The following ANKRD33B variants were observed in gnomAD, a reference collection of about 807,000 sequenced individuals.
The protein encoded by ANKRD33B is ankyrin repeat domain-containing protein 33B.
ANKRD33B carries 6 observed loss-of-function variants against 21.5 expected under a neutral mutation model. That is an observed-to-expected ratio of 0.28 (90% confidence interval 0.15 to 0.55). ANKRD33B has a LOEUF of 0.55. ANKRD33B is among the 20% of genes least tolerant of loss of function. The probability of loss-of-function intolerance (pLI) is 0.94; values close to 1 mark genes in which losing one functional copy is unlikely to be tolerated. For synonymous variants in ANKRD33B, 347 were observed against 342.4 expected, an observed-to-expected ratio of 1.01 and a Z score of -0.15; for missense variants, 698 against 747.2, an observed-to-expected ratio of 0.93 and a Z score of 0.77.
intron 1 of ANKRD33B, among the ~76,000 whole-genome samples, chr5:10,604,015 C>G (rs1303551152): frequency 4.0e-5 from 6 of 151,710 alleles, no homozygotes; most frequent in Non-Finnish European, 7.4e-5. Context: ...CTGCCTCAGC[C>G]TCCCCAGTAG....
chr5:10,645,250 C>T (rs1483580753), intron 3 of ANKRD33B, among the ~76,000 whole-genome samples: 1 of 152,094 alleles, frequency 6.6e-6, no homozygotes, highest in Non-Finnish European at 1.5e-5. Flanking sequence ...TCTCCTGTGG[C>T]CAGGAAAGGC....
chr5:10,623,861 C>T (rs997475567), intron 2 of ANKRD33B, among the ~76,000 whole-genome samples: 6 of 152,316 alleles, frequency 3.9e-5, no homozygotes, highest in African/African-American at 1.4e-4. Context: ...GCTTCCTCCA[C>T]TTGGCCTGGC....
Position 10,618,412 on chromosome 5 carries a change from A to G in ANKRD33B, c.446A>G (p.Asn149Ser). The stretch of plus-strand genomic sequence containing the variant: ...GCAGAGTGCCCCCACGTTGACGTCA[A>G]CTGGCAGGACAGCGAGGGGAACACA... ...ALAECPHVDV[N>S]WQDSEGNTAL... The change falls in exon 2 of 4, where the codon AAC becomes AGC. Residue 149 changes from asparagine (N) to serine (S), a missense_variant. Physicochemically the swap from Asn to Ser is conservative, Grantham distance 46. Around this residue, in one of 3 missense-constraint regions of ANKRD33B, gnomAD observed 543 missense variants for 566.5 expected, o/e 0.96. Transcript: ENST00000296657. 6.5e-7 allele frequency: 1 copy of G among 1,537,646 alleles called. No homozygotes were observed. The highest frequency in any genetic ancestry group is 8.7e-7 in the Non-Finnish European group (1 of 1,146,960).
intron 2 of ANKRD33B, among the ~76,000 whole-genome samples, chr5:10,623,826 G>T (rs1172991282): frequency 6.6e-6 from 1 of 152,192 alleles, no homozygotes; most frequent in Non-Finnish European, 1.5e-5. Context: ...AGGAGGAGGC[G>T]GGCAGAGGCC....
intron 3 of ANKRD33B, among the ~76,000 whole-genome samples, chr5:10,645,510 C>G (rs1231480462): frequency 6.6e-6 from 1 of 152,168 alleles, no homozygotes; most frequent in Non-Finnish European, 1.5e-5. Flanking sequence ...AACAGAAATC[C>G]TGACTAGACA....
Position 10,650,160 on chromosome 5 carries a change from G to T in ANKRD33B, c.*47G>T. ...GGGCCGGGGCTGGGGCCGGGGCGGGGCCGCAGGGCTGGGCGCGGAGAAGGA... is the reference window on the plus strand; with the variant it reads ...GGGCCGGGGCTGGGGCCGGGGCGGGTCCGCAGGGCTGGGCGCGGAGAAGGA... On this transcript the variant is annotated 3_prime_UTR_variant, in exon 4 of 4. Coordinates refer to ENST00000296657, the MANE Select transcript of ANKRD33B (RefSeq NM_001164440.2). The T allele has an allele frequency of 1.4e-6, 2 of 1,419,372 alleles. No individual in the cohort carries two copies. Among genetic ancestry groups the T allele is most frequent in the Middle Eastern group, 2.6e-4 (1 of 3,884 alleles). 87.9% of individuals were successfully genotyped at this position (1,419,372 alleles called of 1,614,324 possible).
intron 1 of ANKRD33B, among the ~76,000 whole-genome samples, chr5:10,568,759 T>C (rs1366937264): frequency 2.0e-5 from 3 of 152,190 alleles, no homozygotes; most frequent in Admixed American, 6.5e-5. Flanking sequence ...GGTGTTGAAC[T>C]CCTGACCTCA....
intron 1 of ANKRD33B, among the ~76,000 whole-genome samples, chr5:10,568,535 G>A (rs1316412646): frequency 6.6e-6 from 1 of 152,280 alleles, no homozygotes; most frequent in South Asian, 2.1e-4. Context: ...CTGCTTCTGC[G>A]TGTTCGTGTT....
intron 1 of ANKRD33B, among the ~76,000 whole-genome samples, chr5:10,592,193 A>G (rs922020417): frequency 2.0e-5 from 3 of 152,118 alleles, no homozygotes; most frequent in Non-Finnish European, 2.9e-5. Flanking sequence ...CTTTAAAGAC[A>G]GGGTCTTATT....
At chr5:10,601,883 T>G (rs887708084) in intron 1 of ANKRD33B, among the ~76,000 whole-genome samples, 1 of 152,032 alleles carries the variant, frequency 6.6e-6, no homozygotes, top group African/African-American at 2.4e-5. Flanking sequence ...GGCTGCCATT[T>G]CCCCCCATGG....
chr5:10,590,462 A>T (rs988455838), intron 1 of ANKRD33B, among the ~76,000 whole-genome samples: 1 of 152,208 alleles, frequency 6.6e-6, no homozygotes, highest in African/African-American at 2.4e-5. Flanking sequence ...TGGGCAGATC[A>T]TGAATACCAC....
At position 10,654,857 on chromosome 5, in the gene ANKRD33B, C is replaced by A. The variant is rs1737446340; in HGVS notation, c.*4744C>A. 1 of 152,556 alleles carries A rather than the reference C, an allele frequency of 6.6e-6. No homozygotes were observed. Among genetic ancestry groups the A allele is most frequent in the South Asian group, 2.1e-4 (1 of 4,832 alleles). 9.5% of individuals were successfully genotyped at this position (152,556 alleles called of 1,614,324 possible). On this transcript the variant is annotated 3_prime_UTR_variant, in exon 4 of 4. Transcript: ENST00000296657. ...AAAGTGTTCTACAGTCAGCCCAGCACTAAACTCACCAGAAAAGAGGAGGGA... is the reference window on the plus strand; with the variant it reads ...AAAGTGTTCTACAGTCAGCCCAGCAATAAACTCACCAGAAAAGAGGAGGGA...
chr5:10,627,191 C>T (rs1736572565), intron 2 of ANKRD33B: 1 of 152,214 alleles, frequency 6.6e-6, no homozygotes, highest in Non-Finnish European at 1.5e-5. Flanking sequence ...CCAGTCATTT[C>T]AACTTTCACC....
rs78136092 is a variant in ANKRD33B, at chr5:10,650,280, G to A, written c.*167G>A. The A allele has an allele frequency of 9.8e-3, 6,813 of 697,398 alleles. 512 individuals carry two copies. The East Asian group carries it at 0.17, about 17-fold the overall frequency. 43.2% of individuals were successfully genotyped at this position (697,398 alleles called of 1,614,324 possible). On this transcript the variant is annotated 3_prime_UTR_variant, in exon 4 of 4. Coordinates refer to ENST00000296657, the MANE Select transcript of ANKRD33B (RefSeq NM_001164440.2). ...TTGTCCAGGCTGCTTCCAAGAGAGGGCTGAGGGAGCCACATGGATTCGCTT... is the reference window on the plus strand; with the variant it reads ...TTGTCCAGGCTGCTTCCAAGAGAGGACTGAGGGAGCCACATGGATTCGCTT...
intron 1 of ANKRD33B, among the ~76,000 whole-genome samples, chr5:10,589,690 A>G (rs1466837062): frequency 1.1e-4 from 16 of 152,172 alleles, no homozygotes; most frequent in Admixed American, 1.0e-3. Context: ...GGATTTTTTT[A>G]CATATGCTAA....
chr5:10,605,424 C>G (rs1736025133), intron 1 of ANKRD33B, among the ~76,000 whole-genome samples: 1 of 152,192 alleles, frequency 6.6e-6, no homozygotes, highest in African/African-American at 2.4e-5. Context: ...GAAAAGTATA[C>G]TCATGACAGA....
rs757612240 is a variant in ANKRD33B at position 10,638,008 on chromosome 5, G to A, written c.497-20G>A. ...TTTGTGGAAGTGGGAACCAATACAC[G>A]TGTACACTTCTCTTTACAGGGCACG... is the stretch of plus-strand genomic sequence containing the variant. On this transcript the variant is annotated intron_variant, in intron 2 of 3. Coordinates refer to ENST00000296657, the MANE Select transcript of ANKRD33B (RefSeq NM_001164440.2). 5.2e-5 allele frequency: 80 copies of A among 1,536,372 alleles called. No individual in the cohort carries two copies. Among genetic ancestry groups the A allele is most frequent in the Non-Finnish European group, 6.4e-5 (73 of 1,146,440 alleles).
intron 1 of ANKRD33B, among the ~76,000 whole-genome samples, chr5:10,595,021 T>C (rs1283882775): frequency 6.6e-6 from 1 of 152,008 alleles, no homozygotes; most frequent in Non-Finnish European, 1.5e-5. Flanking sequence ...GGCAAGTAAC[T>C]CAAGAGCTGC....
chr5:10,640,082 GGTAATGTTA>G lies in ANKRD33B; in HGVS notation c.637+1916_637+1924del, dbSNP rs1325419993. On this transcript the variant is annotated intron_variant, in intron 3 of 3. Coordinates refer to ENST00000296657, the MANE Select transcript of ANKRD33B (RefSeq NM_001164440.2). The stretch of plus-strand genomic sequence containing the variant: ...GTTAGGCGGTGACGTGGAGTTGCGT[GGTAATGTTA>G]GCGGGTGACGTGGAGTTGCGCGGTG... Among the ~76,000 whole-genome samples the G allele has an allele frequency of 4.6e-5, 5 of 108,504 alleles. No individual in the cohort carries two copies. In the East Asian group the frequency reaches 8.2e-4, roughly 18 times the overall value. The allele number at this position is 108,504 out of a possible 152,430, so 71.2% of individuals were successfully genotyped here.
Sources: gnomAD v4.1 joint callset for allele counts (sites outside exome capture counted in the v4.1 genomes callset) on GRCh38, gnomAD v4.1.1 for gene constraint, gnomAD v4.1.1 regional missense constraint, MANE v1.5 for transcripts, NCBI Gene and HGNC (gene_info 2026-07-23, HGNC 2026-07-21) for gene names.